SULF2: variants seen among roughly 807,000 people sequenced by gnomAD.
The protein encoded by SULF2 is extracellular sulfatase Sulf-2.
A neutral mutation model predicts 107.7 loss-of-function variants in SULF2; 52 were observed. The ratio of observed to expected loss-of-function variants is 0.48; its 90% confidence interval spans 0.39 to 0.61. SULF2 has a LOEUF of 0.61. Ranked by LOEUF, SULF2 falls within the 20% of genes least tolerant of loss-of-function variation. The pLI is 0.00. For synonymous variants in SULF2, 460 were observed against 464.3 expected (o/e 0.99, Z 0.12); for missense variants, 993 against 1,177.3 (o/e 0.84, Z 2.29).
chr20:47,746,991 AAAAATAT>A (rs1309996107), intron 2 of SULF2, among the ~76,000 whole-genome samples: 191 of 83,036 alleles, frequency 2.3e-3, no homozygotes, highest in African/African-American at 3.0e-3. Context: ...ATAAAAAAAA[AAAAATAT>A]ATATATATAT....
chr20:47,764,787 G>C (rs776274546), intron 1 of SULF2, among the ~76,000 whole-genome samples: 5 of 152,076 alleles, frequency 3.3e-5, no homozygotes, highest in Non-Finnish European at 7.4e-5. Flanking sequence ...TTTGCAACAG[G>C]GAGCACCCAG....
intron 2 of SULF2, among the ~76,000 whole-genome samples, chr20:47,737,830 T>C (rs1458301272): frequency 6.9e-6 from 1 of 145,810 alleles, no homozygotes; most frequent in Non-Finnish European, 1.5e-5. Flanking sequence ...TGGTGTGATC[T>C]TGACTCACTG....
intron 15 of SULF2, 53 bp from the exon 16 acceptor site, chr20:47,663,675 C>T: frequency 1.3e-6 from 2 of 1,508,356 alleles, no homozygotes; most frequent in Admixed American, 4.2e-5. Flanking sequence ...ATCAGTGACC[C>T]CATGTCTCTG....
At chr20:47,710,491 T>C (rs1837131000) in intron 3 of SULF2, among the ~76,000 whole-genome samples, 1 of 151,832 alleles carries the variant, frequency 6.6e-6, no homozygotes, top group Admixed American at 6.6e-5. Context: ...AGCCTAGGTG[T>C]GTAGTAGGCT....
At chr20:47,660,298 C>T (rs2087023363) in intron 18 of SULF2, among the ~76,000 whole-genome samples, 1 of 152,228 alleles carries the variant, frequency 6.6e-6, no homozygotes, top group Non-Finnish European at 1.5e-5. Flanking sequence ...ACAAGAGTAG[C>T]AGCACTTGAG....
intron 17 of SULF2, 23 bp from the exon 18 acceptor site, chr20:47,661,919 G>T: frequency 6.5e-7 from 1 of 1,532,358 alleles, no homozygotes; most frequent in Non-Finnish European, 8.9e-7. Flanking sequence ...AAGGTAGTCT[G>T]TCAACAAGGT....
intron 1 of SULF2, among the ~76,000 whole-genome samples, chr20:47,782,497 G>C (rs1391631300): frequency 6.6e-6 from 1 of 152,178 alleles, no homozygotes; most frequent in Non-Finnish European, 1.5e-5. Flanking sequence ...TCAGCATTGA[G>C]AGAGGCCCCC....
At chr20:47,735,638 C>A (rs527949052) in intron 3 of SULF2, among the ~76,000 whole-genome samples, 1 of 152,176 alleles carries the variant, frequency 6.6e-6, no homozygotes, top group Non-Finnish European at 1.5e-5. Context: ...CATAATGGCA[C>A]GCACAATACA....
chr20:47,698,811 C>A (rs1294668064), intron 4 of SULF2, among the ~76,000 whole-genome samples: 2 of 152,134 alleles, frequency 1.3e-5, no homozygotes, highest in Admixed American at 6.5e-5. Context: ...GTGGGTGGAT[C>A]ACCTGAGATT....
Position 47,690,281 on chromosome 20 carries a change from G to T in SULF2, c.582C>A (p.Asp194Glu). ...GSDYSKDYLT[D>E]LITNDSVSFF... ...AGCTCACGCTGTCATTGGTGATGAG[G>T]TCTGTGAGGTAATCCTGGGGGGTGG... The change falls in exon 5 of 21, where the codon GAC becomes GAA. Residue 194 changes from aspartate (D) to glutamate (E), a missense_variant. Asp to Glu is a conservative substitution (Grantham distance 45). Coordinates refer to ENST00000688720, the MANE Select transcript of SULF2 (RefSeq NM_001387048.1). 2 of 1,511,920 alleles carry T rather than the reference G, an allele frequency of 1.3e-6. No homozygotes were observed. The highest frequency in any genetic ancestry group is 1.3e-5 in the South Asian group (1 of 75,674). The allele number at this position is 1,511,920 out of a possible 1,614,324, so 93.7% of individuals were successfully genotyped here. A position where few individuals can be genotyped will look rare whatever the true frequency, so the allele number is the denominator to read the frequency against.
At chr20:47,661,678 A>AT (rs943561504) in intron 18 of SULF2, 95 bp downstream of exon 18, 2 of 1,285,544 alleles carry the variant, frequency 1.6e-6, no homozygotes, top group Non-Finnish European at 2.0e-6. Flanking sequence ...AAGCCTGGTG[A>AT]TTTCAGGCTC....
chr20:47,703,779 G>A (rs573400099), intron 3 of SULF2, among the ~76,000 whole-genome samples: 1 of 152,322 alleles, frequency 6.6e-6, no homozygotes, highest in East Asian at 1.9e-4. Flanking sequence ...AAAAGGATGG[G>A]TAAAGAAATT....
At chr20:47,766,853 G>C (rs1456989301) in intron 1 of SULF2, among the ~76,000 whole-genome samples, 1 of 151,652 alleles carries the variant, frequency 6.6e-6, no homozygotes, top group African/African-American at 2.4e-5. Context: ...AAAATGTTTT[G>C]TATGTCAAGT....
chr20:47,722,150 A>G (rs2089313417), intron 3 of SULF2, among the ~76,000 whole-genome samples: 2 of 152,212 alleles, frequency 1.3e-5, no homozygotes, highest in African/African-American at 4.8e-5. Context: ...GTTTGCCTGA[A>G]CTAATTTCGA....
intron 10 of SULF2, among the ~76,000 whole-genome samples, chr20:47,672,957 T>C (rs1272595795): frequency 3.3e-5 from 5 of 152,226 alleles, no homozygotes; most frequent in African/African-American, 7.2e-5. Flanking sequence ...CCTTCCCGTC[T>C]GCTCCAGCGC....
intron 2 of SULF2, among the ~76,000 whole-genome samples, chr20:47,744,806 T>C (rs1186688333): frequency 6.6e-6 from 1 of 152,142 alleles, no homozygotes; most frequent in Non-Finnish European, 1.5e-5. Flanking sequence ...AAAGTCCACC[T>C]GGCATGGGGC....
intron 3 of SULF2, among the ~76,000 whole-genome samples, chr20:47,722,422 G>A (rs1348952971): frequency 6.6e-6 from 1 of 151,896 alleles, no homozygotes; most frequent in Non-Finnish European, 1.5e-5. Flanking sequence ...CACTATGCCT[G>A]GCCAGTTTTT....
At chr20:47,750,469 C>T (rs905953628) in intron 2 of SULF2, among the ~76,000 whole-genome samples, 2 of 152,302 alleles carry the variant, frequency 1.3e-5, no homozygotes, top group East Asian at 1.9e-4. Context: ...TGGTCTGAAC[C>T]GCTATCATCT....
chr20:47,715,345 T>C (rs2089081459), intron 3 of SULF2, among the ~76,000 whole-genome samples: 1 of 152,148 alleles, frequency 6.6e-6, no homozygotes. Flanking sequence ...ATTTATTCAC[T>C]GGTCATATTT....
Sources: allele counts gnomAD v4.1 joint callset (sites outside exome capture counted in the v4.1 genomes callset), GRCh38; gene constraint gnomAD v4.1.1; transcripts MANE v1.5; gene names NCBI Gene and HGNC (gene_info 2026-07-23, HGNC 2026-07-21).